The following DLGAP2 variants were observed in gnomAD, a reference collection of about 807,000 sequenced individuals.
DLGAP2 encodes DLG associated protein 2, also known as disks large-associated protein 2.
In DLGAP2, 26 loss-of-function variants were observed where a neutral mutation model predicts 100.3. That is an observed-to-expected ratio of 0.26 (90% CI 0.19 to 0.36). The LOEUF (loss-of-function observed/expected upper bound fraction) is 0.36. Ranked by LOEUF, DLGAP2 falls within the 10% of genes least tolerant of loss-of-function variation. The probability of loss-of-function intolerance (pLI) is 1.00; values close to 1 mark genes in which losing one functional copy is unlikely to be tolerated. For missense variants in DLGAP2, 1,858 were observed against 1,453.2 expected (o/e 1.28, Z -4.53); for synonymous variants, 886 against 630.1 (o/e 1.41, Z -6.08).
At chr8:968,844 C>G (rs1052100896) in intron 2 of DLGAP2, among the ~76,000 whole-genome samples, 2 of 152,148 alleles carry the variant, frequency 1.3e-5, no homozygotes, top group East Asian at 3.9e-4. Flanking sequence ...AATGGATCCA[C>G]GTATAATGAA....
intron 2 of DLGAP2, among the ~76,000 whole-genome samples, chr8:1,187,132 C>G (rs1228185403): frequency 3.9e-5 from 6 of 152,242 alleles, no homozygotes; most frequent in Non-Finnish European, 8.8e-5. Context: ...CAAAATAGCA[C>G]TGGCTACATA....
At chr8:1,511,580 G>A (rs987852107) in intron 4 of DLGAP2, among the ~76,000 whole-genome samples, 14 of 134,528 alleles carry the variant, frequency 1.0e-4, no homozygotes, top group African/African-American at 2.3e-4. Context: ...GTGTAAGACA[G>A]TCAATAGATG....
At chr8:1,316,638 C>A in intron 3 of DLGAP2, among the ~76,000 whole-genome samples, 1 of 143,074 alleles carries the variant, frequency 7.0e-6, no homozygotes. Flanking sequence ...TGCAGCGTCT[C>A]TCCAACAGTG....
chr8:1,379,865 C>T (rs11779058), intron 3 of DLGAP2, among the ~76,000 whole-genome samples: 1 of 83,970 alleles, frequency 1.2e-5, no homozygotes, highest in Non-Finnish European at 3.0e-5. Context: ...TCGGTGGGGG[C>T]CTGCTGATTT....
intron 2 of DLGAP2, among the ~76,000 whole-genome samples, chr8:1,048,641 A>G (rs1299915474): frequency 2.0e-5 from 3 of 151,942 alleles, no homozygotes; most frequent in African/African-American, 7.3e-5. Context: ...AGCTGGGCTC[A>G]AACCACATGC....
At chr8:946,364 C>G (rs1799321558) in intron 2 of DLGAP2, among the ~76,000 whole-genome samples, 1 of 151,570 alleles carries the variant, frequency 6.6e-6, no homozygotes, top group Admixed American at 6.6e-5. Context: ...CCCGGGTTCA[C>G]ACCATTCTTC....
intron 8 of DLGAP2, among the ~76,000 whole-genome samples, chr8:1,648,612 T>C (rs1798095991): frequency 6.6e-6 from 1 of 152,084 alleles, no homozygotes; most frequent in South Asian, 2.1e-4. Flanking sequence ...GCATGCAGGA[T>C]TCGCTCAAGT....
intron 3 of DLGAP2, among the ~76,000 whole-genome samples, chr8:1,481,021 A>C (rs866867209): frequency 2.3e-4 from 35 of 151,608 alleles, no homozygotes; most frequent in African/African-American, 8.5e-4. Context: ...AAATACAAAA[A>C]ATTAGCTGGG....
At chr8:918,983 C>T (rs1333791578) in intron 2 of DLGAP2, among the ~76,000 whole-genome samples, 2 of 152,064 alleles carry the variant, frequency 1.3e-5, no homozygotes, top group Non-Finnish European at 2.9e-5. Context: ...CTGTGTTGCC[C>T]AGGCTGGAGT....
intron 3 of DLGAP2, among the ~76,000 whole-genome samples, chr8:1,449,537 G>T (rs1798078439): frequency 6.6e-6 from 1 of 152,172 alleles, no homozygotes; most frequent in Non-Finnish European, 1.5e-5. Context: ...TGGCTTCCAG[G>T]CACCACAGCC....
intron 2 of DLGAP2, among the ~76,000 whole-genome samples, chr8:1,080,442 C>G (rs1803768019): frequency 6.6e-6 from 1 of 152,244 alleles, no homozygotes; most frequent in African/African-American, 2.4e-5. Flanking sequence ...CCTGTGCACT[C>G]TGTGCTCACA....
chr8:971,138 C>T (rs542016741), intron 2 of DLGAP2, among the ~76,000 whole-genome samples: 3 of 152,030 alleles, frequency 2.0e-5, no homozygotes, highest in East Asian at 1.9e-4. Context: ...TTTGTGGTTT[C>T]GAGGACACCA....
chr8:915,547 TAA>T (rs11298869), intron 2 of DLGAP2, among the ~76,000 whole-genome samples: 16 of 142,562 alleles, frequency 1.1e-4, no homozygotes, highest in Admixed American at 2.8e-4. Context: ...ACTCCATCTC[TAA>T]AAAAAAAAAA....
intron 2 of DLGAP2, among the ~76,000 whole-genome samples, chr8:1,024,945 GT>G (rs1801748474): frequency 6.6e-6 from 1 of 152,226 alleles, no homozygotes; most frequent in African/African-American, 2.4e-5. Flanking sequence ...GGACAGAGGT[GT>G]TGGTGTGGGT....
intron 2 of DLGAP2, among the ~76,000 whole-genome samples, chr8:958,561 T>C (rs962636584): frequency 2.8e-5 from 4 of 143,020 alleles, no homozygotes; most frequent in Admixed American, 7.6e-5. Context: ...CCATTAGTTA[T>C]TGGAAATTAA....
At chr8:1,004,845 T>C (rs1801060732) in intron 2 of DLGAP2, among the ~76,000 whole-genome samples, 1 of 152,190 alleles carries the variant, frequency 6.6e-6, no homozygotes, top group African/African-American at 2.4e-5. Context: ...CATTATCATA[T>C]GTTTTGTATC....
chr8:1,428,301 G>C (rs1426273741), intron 3 of DLGAP2, among the ~76,000 whole-genome samples: 1 of 152,006 alleles, frequency 6.6e-6, no homozygotes, highest in Non-Finnish European at 1.5e-5. Flanking sequence ...TAAAAAGCTA[G>C]ATAAAAAGGA....
intron 3 of DLGAP2, among the ~76,000 whole-genome samples, chr8:1,361,782 C>G (rs1301224064): frequency 6.6e-6 from 1 of 152,220 alleles, no homozygotes; most frequent in Non-Finnish European, 1.5e-5. Flanking sequence ...GAGGAGAAAA[C>G]CCTCCAAGAA....
chr8:849,306 G>A (rs531275576), intron 1 of DLGAP2, among the ~76,000 whole-genome samples: 9 of 152,348 alleles, frequency 5.9e-5, no homozygotes, highest in Admixed American at 3.3e-4. Context: ...ACGTGCCCAT[G>A]TTCCAGTACA....
Sources: gnomAD v4.1 joint callset for allele counts (sites outside exome capture counted in the v4.1 genomes callset) on GRCh38, gnomAD v4.1.1 for gene constraint, MANE v1.5 for transcripts, NCBI Gene and HGNC (gene_info 2026-07-23, HGNC 2026-07-21) for gene names.